COL11A1: variants seen among roughly 807,000 people sequenced by gnomAD.
COL11A1 encodes collagen type XI alpha 1 chain.
In COL11A1, 74 loss-of-function variants were observed where a neutral mutation model predicts 265.2. The observed-to-expected ratio is 0.28, with a 90% CI of 0.23 to 0.34. The LOEUF (loss-of-function observed/expected upper bound fraction) is 0.34, where lower values mean the gene tolerates loss of function less well. Among genes scored for constraint, COL11A1 ranks in the 10% least tolerant of loss-of-function variants. COL11A1 has a pLI of 1.00. For synonymous variants in COL11A1, 816 were observed against 727.6 expected, an observed-to-expected ratio of 1.12 and a Z score of -1.96; for missense variants, 2,165 against 2,263.6, an observed-to-expected ratio of 0.96 and a Z score of 0.88.
chr1:103,002,728 A>G lies in COL11A1; in HGVS notation c.2043+19T>C. On this transcript the variant is annotated intron_variant, in intron 22 of 66. Coordinates refer to ENST00000370096, the MANE Select transcript of COL11A1 (RefSeq NM_001854.4). ...CTTATATTCAAATATGAGTTATTTT[A>G]TCACTATTTGCTACATACCATGTTC... is the stretch of plus-strand genomic sequence containing the variant. The G allele has an allele frequency of 6.2e-7, 1 of 1,604,296 alleles. No homozygotes were observed. The highest frequency in any genetic ancestry group is 8.5e-7 in the Non-Finnish European group (1 of 1,171,096).
At chr1:103,105,741 G>A (rs968817127) in intron 1 of COL11A1, among the ~76,000 whole-genome samples, 28 of 152,056 alleles carry the variant, frequency 1.8e-4, no homozygotes, top group African/African-American at 6.5e-4. Context: ...AGTGGACACT[G>A]GGTTTATTTT....
rs554438674 is a variant in COL11A1 at position 102,886,053 on chromosome 1, T to C, written c.4858+754A>G. ...ATATGATTGGTAGTGCAAAACAATA[T>C]TTTCTACAGAGTAAAGGGGAGACAA... On this transcript the variant is annotated intron_variant, in intron 63 of 66. Transcript: ENST00000370096. 7.2e-5 allele frequency among the ~76,000 whole-genome samples: 11 copies of C among 152,208 alleles called. No homozygotes were observed. The South Asian group carries it at 2.1e-3, about 29-fold the overall frequency.
intron 41 of COL11A1, among the ~76,000 whole-genome samples, chr1:102,960,798 C>T (rs1413449767): frequency 2.6e-5 from 4 of 151,036 alleles, no homozygotes; most frequent in Non-Finnish European, 5.9e-5. Flanking sequence ...GACTTGCTGG[C>T]TAGGATAAGG....
intron 35 of COL11A1, among the ~76,000 whole-genome samples, chr1:102,977,262 C>G (rs991215367): frequency 6.6e-6 from 1 of 152,054 alleles, no homozygotes; most frequent in African/African-American, 2.4e-5. Context: ...TGAAGGCATA[C>G]TTGGGATGAA....
intron 39 of COL11A1, 30 bp from the exon 40 acceptor site, chr1:102,962,295 A>C: frequency 6.6e-7 from 1 of 1,525,794 alleles, no homozygotes; most frequent in East Asian, 2.2e-5. Flanking sequence ...TCGTCAAGAC[A>C]GATTAATTTC....
chr1:103,009,853 T>C lies in COL11A1; in HGVS notation c.1630-1337A>G, dbSNP rs994143067. On this transcript the variant is annotated intron_variant, in intron 14 of 66. Coordinates refer to ENST00000370096, the MANE Select transcript of COL11A1 (RefSeq NM_001854.4). ...ATTAAGAGAATAATGACTTTCAAGC[T>C]TCCAATGAAGAATTATTGCAAATAA... Among the ~76,000 whole-genome samples the C allele has an allele frequency of 2.6e-5, 4 of 152,210 alleles. No individual in the cohort carries two copies. In the East Asian group the frequency reaches 7.7e-4, roughly 29 times the overall value.
chr1:103,062,684 C>T (rs72987835), intron 4 of COL11A1, among the ~76,000 whole-genome samples: 5,718 of 151,956 alleles, frequency 0.038, 372 homozygotes, highest in African/African-American at 0.13. Flanking sequence ...TCAAACTGAT[C>T]AGAAAGAAGG....
At chr1:102,983,029 C>G (rs866285279) in intron 31 of COL11A1, among the ~76,000 whole-genome samples, 28 of 152,018 alleles carry the variant, frequency 1.8e-4, no homozygotes, top group African/African-American at 6.5e-4. Flanking sequence ...TTCTCTGTCT[C>G]CCTCCTGTAT....
rs1654972177 is a variant in COL11A1 at position 102,913,692 on chromosome 1, T to C, written c.3979-2A>G. 6.2e-7 allele frequency: 1 copy of C among 1,613,156 alleles called. No homozygotes were observed. Among genetic ancestry groups the C allele is most frequent in the Non-Finnish European group, 8.5e-7 (1 of 1,179,330 alleles). On this transcript the variant is annotated splice_acceptor_variant, in intron 52 of 66. Coordinates refer to ENST00000370096, the MANE Select transcript of COL11A1 (RefSeq NM_001854.4). LOFTEE classifies it high-confidence loss of function. ...GTCACCACCAACACCATCTTGACCC[T>C]ATAAGAGGCAATAAAATATGAAGCA... is the stretch of plus-strand genomic sequence containing the variant.
At position 103,082,785 on chromosome 1, in the gene COL11A1, T is replaced by A; in HGVS notation, c.274+20A>T. On this transcript the variant is annotated intron_variant, in intron 2 of 66. Transcript: ENST00000370096. ...TAACTTTTAGTAATAATAACAATAATAATAATAAAGTGAATATACCTGGAA... is the reference window on the plus strand; with the variant it reads ...TAACTTTTAGTAATAATAACAATAAAAATAATAAAGTGAATATACCTGGAA... 1 of 1,596,716 alleles carries A rather than the reference T, an allele frequency of 6.3e-7. No individual in the cohort carries two copies. Among genetic ancestry groups the A allele is most frequent in the Non-Finnish European group, 8.6e-7 (1 of 1,166,622 alleles).
intron 37 of COL11A1, among the ~76,000 whole-genome samples, chr1:102,967,584 T>TA (rs1557883104): frequency 1.3e-5 from 2 of 152,144 alleles, no homozygotes; most frequent in Admixed American, 1.3e-4. Flanking sequence ...TTCTAGCCAA[T>TA]AGGGGCCCAG....
chr1:102,998,239 TA>T, intron 25 of COL11A1, 70 bp downstream of exon 25: 1 of 1,275,804 alleles, frequency 7.8e-7, no homozygotes, highest in Non-Finnish European at 1.1e-6. Flanking sequence ...TAATCATTTC[TA>T]AAACACATGT....
intron 15 of COL11A1, 50 bp from the exon 16 acceptor site, chr1:103,006,365 A>G (rs1014538563): frequency 7.1e-7 from 1 of 1,417,618 alleles, no homozygotes; most frequent in African/African-American, 1.4e-5. Context: ...CTTGATCAAT[A>G]AACTCAATAG....
intron 59 of COL11A1, 79 bp downstream of exon 59, chr1:102,889,376 T>C: frequency 2.0e-6 from 2 of 1,007,528 alleles, no homozygotes; most frequent in Non-Finnish European, 3.1e-6. Context: ...TGATCATACT[T>C]AAAGGACTGT....
chr1:102,922,429 C>T (rs2101079980), intron 47 of COL11A1, among the ~76,000 whole-genome samples: 1 of 152,278 alleles, frequency 6.6e-6, no homozygotes, highest in South Asian at 2.1e-4. Context: ...CGGAGTCTTG[C>T]TCTGTCGCCC....
chr1:103,005,820 G>A lies in COL11A1; in HGVS notation c.1845+18C>T, dbSNP rs975135675. 1.2e-6 allele frequency: 2 copies of A among 1,613,184 alleles called. No individual in the cohort carries two copies. Among genetic ancestry groups the A allele is most frequent in the African/African-American group, 2.7e-5 (2 of 74,836 alleles). On this transcript the variant is annotated intron_variant, in intron 18 of 66. Coordinates refer to ENST00000370096, the MANE Select transcript of COL11A1 (RefSeq NM_001854.4). The stretch of plus-strand genomic sequence containing the variant: ...TTTTATAACATTCCCTGGAAAAAAA[G>A]GAATAGATGTATCTTACCCTGTGAC...
At chr1:103,034,419 T>C (rs1009802526) in intron 4 of COL11A1, among the ~76,000 whole-genome samples, 2 of 152,102 alleles carry the variant, frequency 1.3e-5, no homozygotes, top group Non-Finnish European at 2.9e-5. Flanking sequence ...TATCAACTGA[T>C]TTGTCTTCAA....
intron 4 of COL11A1, among the ~76,000 whole-genome samples, chr1:103,047,958 T>A (rs1232916393): frequency 6.6e-6 from 1 of 152,220 alleles, no homozygotes; most frequent in Non-Finnish European, 1.5e-5. Flanking sequence ...GAAGCCCACT[T>A]GATCATGGTG....
intron 46 of COL11A1, among the ~76,000 whole-genome samples, chr1:102,925,829 A>G (rs1395994309): frequency 1.3e-5 from 2 of 152,118 alleles, no homozygotes; most frequent in South Asian, 2.1e-4. Flanking sequence ...CTTAAATAGC[A>G]TACACTGCAA....
Sources: allele counts gnomAD v4.1 joint callset (sites outside exome capture counted in the v4.1 genomes callset), GRCh38; gene constraint gnomAD v4.1.1; transcripts MANE v1.5; gene names NCBI Gene and HGNC (gene_info 2026-07-23, HGNC 2026-07-21).